Variants in MUC17 observed in about 807,000 individuals in gnomAD.
The protein encoded by MUC17 is mucin-17.
A neutral mutation model predicts 170.3 loss-of-function variants in MUC17; 190 were observed. That is an observed-to-expected ratio of 1.12 (90% confidence interval 0.99 to 1.26). The LOEUF is 1.26. MUC17 is among the 50% of genes most tolerant of loss of function. The pLI, the probability that MUC17 is intolerant of heterozygous loss-of-function variation, is 0.00. For synonymous variants in MUC17, 2,325 were observed against 2,002.5 expected, an observed-to-expected ratio of 1.16 and a Z score of -4.30; for missense variants, 6,415 against 5,530.0, an observed-to-expected ratio of 1.16 and a Z score of -5.08.
At chr7:101,054,097 A>C (rs1795008177) in intron 11 of MUC17, among the ~76,000 whole-genome samples, 1 of 141,482 alleles carries the variant, frequency 7.1e-6, no homozygotes, top group African/African-American at 2.6e-5. Context: ...AAAAAAGAGT[A>C]CATAGGAGGC....
At chr7:101,024,738 C>CTTTTT (rs35811119) in intron 1 of MUC17, among the ~76,000 whole-genome samples, 1,578 of 125,418 alleles carry the variant, frequency 0.013, 90 homozygotes, top group African/African-American at 0.046. Flanking sequence ...CTGTCTCCTC[C>CTTTTT]TTTTTTTTTT....
At position 101,039,586 on chromosome 7, in the gene MUC17, A is replaced by T. The variant is rs772288567; in HGVS notation, c.8170A>T (p.Thr2724Ser). 5.0e-6 allele frequency: 8 copies of T among 1,612,508 alleles called. No homozygotes were observed. Among genetic ancestry groups the T allele is most frequent in the Non-Finnish European group, 6.8e-6 (8 of 1,179,218 alleles). Residue 2724 changes from threonine to serine, a missense_variant, in exon 3 of 13, where the codon ACC becomes TCC. By Grantham distance (58) the Thr-to-Ser change is moderately conservative. Coordinates refer to ENST00000306151, the MANE Select transcript of MUC17 (RefSeq NM_001040105.2). ...TCCTGTTGACACCAGCACACCTGTC[A>T]CCACTTCTGCTGAAGCCAGTTCTTC... The part of the protein sequence containing the change: ...TTPVDTSTPV[T>S]TSAEASSSPT...
intron 11 of MUC17, among the ~76,000 whole-genome samples, chr7:101,055,107 A>AAGGAGG (rs538191693): frequency 6.6e-6 from 1 of 151,782 alleles, no homozygotes; most frequent in African/African-American, 2.4e-5. Flanking sequence ...GATTCCGTAG[A>AAGGAGG]AGGAGGAGGA....
chr7:101,048,257 G>GTTTT (rs1202214676), intron 4 of MUC17, 142 bp downstream of exon 4: 4 of 846,188 alleles, frequency 4.7e-6, no homozygotes, highest in Admixed American at 4.0e-5. Context: ...GTTTTGTTTT[G>GTTTT]TTTTGTTTCC....
intron 1 of MUC17, among the ~76,000 whole-genome samples, 182 bp from the exon 2 acceptor site, chr7:101,030,938 C>T (rs1228219768): frequency 1.3e-5 from 2 of 152,118 alleles, no homozygotes; most frequent in Non-Finnish European, 2.9e-5. Context: ...GAGCAAATCC[C>T]CTGTACCATC....
At position 101,039,706 on chromosome 7, in the gene MUC17, G is replaced by A; in HGVS notation, c.8290G>A (p.Ala2764Thr). Residue 2764 changes from alanine (A) to threonine (T), a missense_variant, in exon 3 of 13, where the codon GCC becomes ACC. By Grantham distance (58) the Ala-to-Thr change is moderately conservative (BLOSUM62 0). Coordinates refer to ENST00000306151, the MANE Select transcript of MUC17 (RefSeq NM_001040105.2). ...TATACTTGTCAGCACCCTGCCAGTGGCCAGTTCTGAGGCTAGCACCGTTTC... is the reference window on the plus strand; with the variant it reads ...TATACTTGTCAGCACCCTGCCAGTGACCAGTTCTGAGGCTAGCACCGTTTC... ...TSILVSTLPVASSEASTVSTT... is the reference protein window; with the variant it reads ...TSILVSTLPVTSSEASTVSTT... 1 of 1,613,192 alleles carries A rather than the reference G, an allele frequency of 6.2e-7. No homozygotes were observed. Among genetic ancestry groups the A allele is most frequent in the East Asian group, 2.2e-5 (1 of 44,846 alleles).
chr7:101,026,398 C>T (rs111928376), intron 1 of MUC17, among the ~76,000 whole-genome samples: 3 of 152,320 alleles, frequency 2.0e-5, no homozygotes, highest in African/African-American at 4.8e-5. Flanking sequence ...CCTTGTCACT[C>T]CATCCCTGGC....
chr7:101,056,194 A>G lies in MUC17; in HGVS notation c.13364A>G (p.Asp4455Gly), dbSNP rs1310247665. Residue 4455 changes from aspartate to glycine, a missense_variant and splice_region_variant, in exon 12 of 13, where the codon GAT (aspartate) becomes GGT (glycine). Transcript: ENST00000306151. ...ATGGTGCTTTCCATCCCTCCACAAG[A>G]TGATGATTCCATCCACCTGGAGTCC... ...FQNIGFDICQ[D>G]DDSIHLESIY... 5.6e-6 allele frequency: 9 copies of G among 1,613,804 alleles called. No homozygotes were observed. Among genetic ancestry groups the G allele is most frequent in the Non-Finnish European group, 7.6e-6 (9 of 1,179,862 alleles).
chr7:101,032,404 A>G lies in MUC17; in HGVS notation c.988A>G (p.Thr330Ala). 6.2e-7 allele frequency: 1 copy of G among 1,613,246 alleles called. No homozygotes were observed. The highest frequency in any genetic ancestry group is 1.1e-5 in the South Asian group (1 of 91,022). Residue 330 changes from threonine to alanine, a missense_variant, in exon 3 of 13, where the codon ACT becomes GCT. Physicochemically the swap from Thr to Ala is moderately conservative, Grantham distance 58. Coordinates refer to ENST00000306151, the MANE Select transcript of MUC17 (RefSeq NM_001040105.2). ...CACCAGCATACCAACCTCAACTTAT[A>G]CTGAAGGAAGCACTCCATTAACAAG... ...EGTSIPTSTY[T>A]EGSTPLTSTP... is the part of the protein sequence containing the mutation.
At chr7:101,048,296 C>A in intron 4 of MUC17, 181 bp downstream of exon 4, 1 of 516,578 alleles carries the variant, frequency 1.9e-6, no homozygotes, top group Non-Finnish European at 3.0e-6. Context: ...TAAAGCATTA[C>A]AAAATGAATA....
Position 101,045,229 on chromosome 7 carries a change from G to T in MUC17, c.12403+1410G>T, listed in dbSNP as rs180888862. ...ATTTATTTAGATGAATAGGCTCACAGGTATATGATCTGTGTCTGCCCACAG... is the reference window on the plus strand; with the variant it reads ...ATTTATTTAGATGAATAGGCTCACATGTATATGATCTGTGTCTGCCCACAG... On this transcript the variant is annotated intron_variant, in intron 3 of 12. Transcript: ENST00000306151. 2.4e-4 allele frequency among the ~76,000 whole-genome samples: 36 copies of T among 152,276 alleles called. 2 individuals carry two copies. In the East Asian group the frequency reaches 6.0e-3, roughly 25 times the overall value.
rs1794398053 is a variant in MUC17 at position 101,034,518 on chromosome 7, C to T, written c.3102C>T (p.Thr1034=). ...CTGCTGAAGGTACCAGCATGCCAAC[C>T]TCAACTCCTAGTGAAGGAAGCACTC... ...PPTAEGTSMP[T]STPSEGSTPL... is the part of the protein sequence containing the mutation. Residue 1034 remains threonine (T), a synonymous_variant, in exon 3 of 13, where the codon ACC becomes ACT. Coordinates refer to ENST00000306151, the MANE Select transcript of MUC17 (RefSeq NM_001040105.2). 1 of 1,613,804 alleles carries T rather than the reference C, an allele frequency of 6.2e-7. No homozygotes were observed. Among genetic ancestry groups the T allele is most frequent in the Non-Finnish European group, 8.5e-7 (1 of 1,179,766 alleles).
At chr7:101,056,153 C>G in intron 11 of MUC17, 41 bp from the exon 12 acceptor site, 1 of 1,612,748 alleles carries the variant, frequency 6.2e-7, no homozygotes, top group East Asian at 2.2e-5. Context: ...GTTTGTCCTT[C>G]TAACCTCCTG....
rs1359481671 is a variant in MUC17 at position 101,036,038 on chromosome 7, C to G, written c.4622C>G (p.Thr1541Ser). The part of the protein sequence containing the change: ...INSLSTTPAV[T>S]STPVTTYSQA... ...AGCCTTTCAACAACTCCTGCTGTCA[C>G]CAGCACACCTGTGACCACTTATTCT... Residue 1541 changes from threonine (T) to serine (S), a missense_variant, in exon 3 of 13, where the codon ACC becomes AGC. Physicochemically the swap from Thr to Ser is moderately conservative, Grantham distance 58. Transcript: ENST00000306151. 6.2e-7 allele frequency: 1 copy of G among 1,612,254 alleles called. No homozygotes were observed. The highest frequency in any genetic ancestry group is 1.1e-5 in the South Asian group (1 of 90,868).
rs1356216636 is a variant in MUC17 at position 101,039,650 on chromosome 7, C to G, written c.8234C>G (p.Thr2745Ser). ...GAAGGTACCAGCATGCGAATCTCAACTCCTAGTGATGGAAGTACTCCATTA... is the reference window on the plus strand; with the variant it reads ...GAAGGTACCAGCATGCGAATCTCAAGTCCTAGTGATGGAAGTACTCCATTA... ...TAEGTSMRIS[T>S]PSDGSTPLTS... Residue 2745 changes from threonine (T) to serine (S), a missense_variant, in exon 3 of 13, where the codon ACT (threonine) becomes AGT (serine). Physicochemically the swap from Thr to Ser is moderately conservative, Grantham distance 58 (BLOSUM62 1). Transcript: ENST00000306151. 1 of 1,612,880 alleles carries G rather than the reference C, an allele frequency of 6.2e-7. No homozygotes were observed. The highest frequency in any genetic ancestry group is 8.5e-7 in the Non-Finnish European group (1 of 1,179,676).
rs758812670 is a variant in MUC17 at position 101,039,709 on chromosome 7, A to T, written c.8293A>T (p.Ser2765Cys). 1.2e-6 allele frequency: 2 copies of T among 1,613,172 alleles called. No homozygotes were observed. The highest frequency in any genetic ancestry group is 1.3e-5 in the African/African-American group (1 of 74,866). The change falls in exon 3 of 13, where the codon AGT becomes TGT. Residue 2765 changes from serine (S) to cysteine (C), a missense_variant. Physicochemically the swap from Ser to Cys is moderately radical, Grantham distance 112. Transcript: ENST00000306151. ...ACTTGTCAGCACCCTGCCAGTGGCC[A>T]GTTCTGAGGCTAGCACCGTTTCAAC... Reference protein sequence around the residue: ...SILVSTLPVASSEASTVSTTA... With the variant: ...SILVSTLPVACSEASTVSTTA...
chr7:101,058,715 A>G lies in MUC17; in HGVS notation c.*671A>G, dbSNP rs1299084915. On this transcript the variant is annotated 3_prime_UTR_variant, in exon 13 of 13. Transcript: ENST00000306151. ...TCTTCATGAAAAACACCTGTATTTA[A>G]ATATAGAGCATTTACCTTTTGGTAT... 2 of 152,132 alleles carry G rather than the reference A, an allele frequency of 1.3e-5. No homozygotes were observed. The highest frequency in any genetic ancestry group is 2.9e-5 in the Non-Finnish European group (2 of 68,020). The allele number at this position is 152,132 out of a possible 1,614,324, so 9.4% of individuals were successfully genotyped here. A position where few individuals can be genotyped will look rare whatever the true frequency, so the allele number is the denominator to read the frequency against.
chr7:101,033,337 G>A lies in MUC17; in HGVS notation c.1921G>A (p.Val641Met), dbSNP rs756457667. The change falls in exon 3 of 13, where the codon GTG becomes ATG. Residue 641 changes from valine (V) to methionine (M), a missense_variant. Val to Met is a conservative substitution (Grantham distance 21). Transcript: ENST00000306151. ...ITSMSVSTTL[V>M]ASSEASTLST... ...AAGTATGTCTGTCAGCACCACACTG[G>A]TGGCCAGTTCTGAGGCTAGCACCCT... 1 of 1,613,734 alleles carries A rather than the reference G, an allele frequency of 6.2e-7. No individual in the cohort carries two copies. The highest frequency in any genetic ancestry group is 1.7e-5 in the Admixed American group (1 of 60,000).
In MUC17 at chr7:101,042,141, C is replaced by G. The variant is rs1228778010; in HGVS notation, c.10725C>G (p.Ser3575Arg). 1.2e-6 allele frequency: 2 copies of G among 1,614,188 alleles called. No homozygotes were observed. Among genetic ancestry groups the G allele is most frequent in the Non-Finnish European group, 1.7e-6 (2 of 1,180,020 alleles). ...GTATGTCTACTCCAAGTGAAGGAAGCTCTTCATTAACAACTATGCTCCTCA... is the reference window on the plus strand; with the variant it reads ...GTATGTCTACTCCAAGTGAAGGAAGGTCTTCATTAACAACTATGCTCCTCA... ...TMRMSTPSEG[S>R]SSLTTMLLSS... The change falls in exon 3 of 13, where the codon AGC (serine) becomes AGG (arginine). Residue 3575 changes from serine to arginine, a missense_variant. Transcript: ENST00000306151.
Sources: gnomAD v4.1 joint callset for allele counts (sites outside exome capture counted in the v4.1 genomes callset) on GRCh38, gnomAD v4.1.1 for gene constraint, MANE v1.5 for transcripts, NCBI Gene and HGNC (gene_info 2026-07-23, HGNC 2026-07-21) for gene names.